VTI1A: variants seen among roughly 807,000 people sequenced by gnomAD.
The protein encoded by VTI1A is vesicle transport through interaction with t-SNAREs homolog 1A.
In VTI1A, 22 loss-of-function variants were observed where a neutral mutation model predicts 34.9. The ratio of observed to expected loss-of-function variants is 0.63; its 90% CI spans 0.45 to 0.90. The LOEUF (loss-of-function observed/expected upper bound fraction) is 0.90. Among genes scored for constraint, VTI1A ranks in the 40% least tolerant of loss-of-function variants. The pLI, the probability that VTI1A is intolerant of heterozygous loss-of-function variation, is 0.00. For synonymous variants in VTI1A, 87 were observed against 97.3 expected (o/e 0.89, Z 0.62); for missense variants, 268 against 275.6 (o/e 0.97, Z 0.20).
At chr10:112,624,653 C>A (rs1200688606) in intron 5 of VTI1A, among the ~76,000 whole-genome samples, 1 of 152,028 alleles carries the variant, frequency 6.6e-6, no homozygotes. Flanking sequence ...ATGGCTCAAA[C>A]CTCATAACCT....
At chr10:112,601,426 C>CTTT (rs113977630) in intron 5 of VTI1A, among the ~76,000 whole-genome samples, 131 of 148,286 alleles carry the variant, frequency 8.8e-4, no homozygotes, top group Non-Finnish European at 1.3e-3. Flanking sequence ...CAATTATTTA[C>CTTT]TTTTTTTTTT....
the VTI1A span, among the ~76,000 whole-genome samples, chr10:112,839,577 A>C: frequency 6.6e-6 from 1 of 151,994 alleles, no homozygotes. Context: ...CAAACATGGA[A>C]TCAGAGAGAC....
At chr10:112,469,855 G>T (rs1188133861) in intron 3 of VTI1A, among the ~76,000 whole-genome samples, 1 of 152,150 alleles carries the variant, frequency 6.6e-6, no homozygotes, top group African/African-American at 2.4e-5. Context: ...CTTTGTGGCT[G>T]CTTCTCACCA....
chr10:112,811,712 A>AAAAAAAAAAAAAAAAAAAAAAAGAT lies in VTI1A; in HGVS notation c.561-3578_561-3577insAAAAAAAAAAAAAAAAAAAAAAGAT, dbSNP rs67154330. On this transcript the variant is annotated intron_variant, in intron 7 of 7. Coordinates refer to ENST00000393077, the MANE Select transcript of VTI1A (RefSeq NM_145206.4). ...AAAAAAAAAAAAAAAAAAAAAAAAA[A>AAAAAAAAAAAAAAAAAAAAAAAGAT]GAGTGCAGTCCATGCCTGGAAGTAG... is the stretch of plus-strand genomic sequence containing the variant. Among the ~76,000 whole-genome samples, 6 of 84,066 alleles carry AAAAAAAAAAAAAAAAAAAAAAAGAT rather than the reference A, an allele frequency of 7.1e-5. 2 individuals carry two copies. Among genetic ancestry groups the AAAAAAAAAAAAAAAAAAAAAAAGAT allele is most frequent in the African/African-American group, 2.8e-4 (6 of 21,062 alleles). 55.2% of individuals were successfully genotyped at this position (84,066 alleles called of 152,430 possible).
At chr10:112,650,445 C>T (rs892848239) in intron 5 of VTI1A, among the ~76,000 whole-genome samples, 2 of 112,674 alleles carry the variant, frequency 1.8e-5, no homozygotes, top group Non-Finnish European at 3.8e-5. Flanking sequence ...CTGCCTGAGG[C>T]TGTTCTACTC....
chr10:112,753,461 AAG>A (rs1851173783), intron 7 of VTI1A, among the ~76,000 whole-genome samples: 1 of 152,182 alleles, frequency 6.6e-6, no homozygotes, highest in Non-Finnish European at 1.5e-5. Flanking sequence ...TCTCCTTAAA[AAG>A]AGAGAATTTT....
chr10:112,610,167 T>A (rs1320229199), intron 5 of VTI1A, among the ~76,000 whole-genome samples: 1 of 97,188 alleles, frequency 1.0e-5, no homozygotes, highest in Non-Finnish European at 2.0e-5. Context: ...ATTATATACT[T>A]TTCCAGTCTT....
intron 7 of VTI1A, among the ~76,000 whole-genome samples, chr10:112,761,495 A>G (rs568810174): frequency 1.3e-5 from 2 of 152,330 alleles, no homozygotes; most frequent in South Asian, 2.1e-4. Context: ...TAGGGAACAA[A>G]TAAAGGCTTT....
chr10:112,852,384 C>G, the VTI1A span, among the ~76,000 whole-genome samples: 13 of 152,204 alleles, frequency 8.5e-5, no homozygotes, highest in South Asian at 2.1e-4. Context: ...CCATGGCACT[C>G]TCTTGCTCTT....
At chr10:112,836,463 G>A in the VTI1A span, among the ~76,000 whole-genome samples, 1 of 152,118 alleles carries the variant, frequency 6.6e-6, no homozygotes, top group African/African-American at 2.4e-5. Flanking sequence ...CTCAGTCCAT[G>A]CCCCCTCACG....
At chr10:112,784,757 C>T (rs527493372) in intron 7 of VTI1A, among the ~76,000 whole-genome samples, 19 of 152,338 alleles carry the variant, frequency 1.2e-4, no homozygotes, top group African/African-American at 4.3e-4. Context: ...AAAATAGATA[C>T]TTCCCCTGTT....
chr10:112,756,920 C>T (rs1248182951), intron 7 of VTI1A, among the ~76,000 whole-genome samples: 2 of 151,874 alleles, frequency 1.3e-5, no homozygotes, highest in African/African-American at 2.4e-5. Context: ...TGGTGGTGTG[C>T]CTGTAGTCCC....
the VTI1A span, chr10:112,826,856 C>T: frequency 2.0e-5 from 3 of 152,042 alleles, no homozygotes; most frequent in African/African-American, 2.4e-5. Context: ...AGTAGCATCC[C>T]GTCACGTTCT....
intron 5 of VTI1A, among the ~76,000 whole-genome samples, chr10:112,654,313 G>A (rs1420036221): frequency 6.6e-6 from 1 of 151,976 alleles, no homozygotes; most frequent in Non-Finnish European, 1.5e-5. Context: ...AATGTCATAA[G>A]GATAGCATAA....
At chr10:112,602,333 A>G (rs1844908718) in intron 5 of VTI1A, among the ~76,000 whole-genome samples, 1 of 152,198 alleles carries the variant, frequency 6.6e-6, no homozygotes, top group Non-Finnish European at 1.5e-5. Flanking sequence ...CAGGTCCACA[A>G]ATGGCAGGGG....
chr10:112,701,806 T>A (rs1482829967), intron 7 of VTI1A, among the ~76,000 whole-genome samples: 1 of 152,226 alleles, frequency 6.6e-6, no homozygotes, highest in African/African-American at 2.4e-5. Context: ...GAGAGCCAAC[T>A]TTTATTAGTA....
intron 5 of VTI1A, among the ~76,000 whole-genome samples, chr10:112,586,783 T>G (rs1057264628): frequency 1.3e-5 from 2 of 152,176 alleles, no homozygotes; most frequent in Non-Finnish European, 2.9e-5. Context: ...GTAAACAAAT[T>G]CAGAATTTCT....
chr10:112,500,845 C>G (rs913355217), intron 3 of VTI1A, among the ~76,000 whole-genome samples: 4 of 152,140 alleles, frequency 2.6e-5, no homozygotes, highest in Non-Finnish European at 5.9e-5. Context: ...CATTTTAGGC[C>G]TCAGTTATTT....
chr10:112,691,746 G>A (rs1284359013), intron 7 of VTI1A, among the ~76,000 whole-genome samples: 3 of 152,154 alleles, frequency 2.0e-5, no homozygotes, highest in Non-Finnish European at 4.4e-5. Context: ...TTGCATGGAA[G>A]GTTCACTTGA....
Sources: allele counts gnomAD v4.1 joint callset (sites outside exome capture counted in the v4.1 genomes callset), GRCh38; gene constraint gnomAD v4.1.1; transcripts MANE v1.5; gene names NCBI Gene and HGNC (gene_info 2026-07-23, HGNC 2026-07-21).